Variants in COX10 observed in about 807,000 individuals in gnomAD.
COX10 encodes the protein protoheme IX farnesyltransferase, mitochondrial.
A neutral mutation model predicts 37.3 loss-of-function variants in COX10; 27 were observed. That is an observed-to-expected ratio of 0.72 (90% confidence interval 0.53 to 1.00). COX10 has a LOEUF of 1.00. Among genes scored for constraint, COX10 ranks in the 50% least tolerant of loss-of-function variants. The pLI is 0.00. For synonymous variants in COX10, 222 were observed against 229.1 expected (o/e 0.97, Z 0.28); for missense variants, 475 against 563.2 (o/e 0.84, Z 1.59).
intron 4 of COX10, among the ~76,000 whole-genome samples, chr17:14,157,187 C>A (rs1443369741): frequency 6.6e-6 from 1 of 152,158 alleles, no homozygotes; most frequent in Admixed American, 6.5e-5. Flanking sequence ...CAGGTACAGG[C>A]TGGATTTGGC....
chr17:14,176,271 G>A (rs1347629545), intron 5 of COX10, among the ~76,000 whole-genome samples: 1 of 152,050 alleles, frequency 6.6e-6, no homozygotes, highest in East Asian at 1.9e-4. Context: ...CTGTCTACCT[G>A]TAATTCATTA....
intron 5 of COX10, among the ~76,000 whole-genome samples, chr17:14,173,995 G>C (rs1286808553): frequency 6.6e-6 from 1 of 151,996 alleles, no homozygotes; most frequent in African/African-American, 2.4e-5. Context: ...AAGAAAAGTA[G>C]ATAAACTGTA....
chr17:14,185,425 G>A (rs1490678130), intron 5 of COX10, among the ~76,000 whole-genome samples: 2 of 149,854 alleles, frequency 1.3e-5, no homozygotes, highest in Non-Finnish European at 3.0e-5. Context: ...CACATTTTAT[G>A]AGCACTAAGG....
intron 3 of COX10, among the ~76,000 whole-genome samples, chr17:14,086,495 A>T (rs1915412541): frequency 6.6e-6 from 1 of 152,144 alleles, no homozygotes; most frequent in African/African-American, 2.4e-5. Flanking sequence ...TTCGGGGATG[A>T]ATTGAGAACT....
chr17:14,094,569 T>G (rs1915602783), intron 3 of COX10, among the ~76,000 whole-genome samples: 1 of 152,198 alleles, frequency 6.6e-6, no homozygotes, highest in Non-Finnish European at 1.5e-5. Context: ...TTTTTATCAT[T>G]ATTATTTTTA....
intron 6 of COX10, among the ~76,000 whole-genome samples, chr17:14,199,493 T>G (rs982497703): frequency 2.6e-5 from 4 of 152,100 alleles, no homozygotes; most frequent in African/African-American, 9.7e-5. Context: ...GCTTTTTGCT[T>G]CCTTTACTCC....
At chr17:14,153,398 A>T (rs1190327816) in intron 4 of COX10, among the ~76,000 whole-genome samples, 1 of 152,222 alleles carries the variant, frequency 6.6e-6, no homozygotes, top group Non-Finnish European at 1.5e-5. Context: ...CATATTTTAC[A>T]TTAAATGGCA....
chr17:14,093,063 T>A (rs1423493486), intron 3 of COX10, among the ~76,000 whole-genome samples: 2 of 152,226 alleles, frequency 1.3e-5, no homozygotes, highest in Non-Finnish European at 2.9e-5. Context: ...TTTATGGGAC[T>A]TGGATTACAG....
chr17:14,076,111 C>CTTTTTT (rs376434284), intron 2 of COX10, among the ~76,000 whole-genome samples: 148 of 103,248 alleles, frequency 1.4e-3, no homozygotes, highest in African/African-American at 1.7e-3. Flanking sequence ...TCTTTTTTGT[C>CTTTTTT]TTTTTTTTTT....
intron 4 of COX10, among the ~76,000 whole-genome samples, chr17:14,120,465 G>A (rs777271399): frequency 3.3e-5 from 5 of 152,156 alleles, no homozygotes; most frequent in Admixed American, 1.3e-4. Context: ...TCACAGAAAC[G>A]GAGGGCATAT....
chr17:14,200,783 A>C (rs1387642465), intron 6 of COX10, among the ~76,000 whole-genome samples: 2 of 152,258 alleles, frequency 1.3e-5, no homozygotes, highest in East Asian at 3.8e-4. Flanking sequence ...AAGATTGTGC[A>C]GGGTTAGGTA....
At chr17:14,073,005 G>A (rs1915060485) in intron 1 of COX10, among the ~76,000 whole-genome samples, 1 of 152,140 alleles carries the variant, frequency 6.6e-6, no homozygotes, top group South Asian at 2.1e-4. Context: ...TTGACAGAGT[G>A]GTGTGCAAAT....
At chr17:14,135,647 C>G (rs945946585) in intron 4 of COX10, among the ~76,000 whole-genome samples, 1 of 151,876 alleles carries the variant, frequency 6.6e-6, no homozygotes, top group African/African-American at 2.4e-5. Flanking sequence ...ATTTTGTACT[C>G]TAAATGTGTA....
intron 4 of COX10, among the ~76,000 whole-genome samples, chr17:14,119,879 C>T (rs976320665): frequency 2.6e-5 from 4 of 152,046 alleles, no homozygotes; most frequent in African/African-American, 9.7e-5. Context: ...CATTGTCATG[C>T]TTTAGAGAGA....
At position 14,076,803 on chromosome 17, in the gene COX10, T is replaced by C; in HGVS notation, c.246T>C (p.Pro82=). Residue 82 remains proline (P), a synonymous_variant, in exon 3 of 7, where the codon CCT becomes CCC. Coordinates refer to ENST00000261643, the MANE Select transcript of COX10 (RefSeq NM_001303.4). ...VRPKPEPVAS[P]FLEKTSSGQA... is the part of the protein sequence containing the mutation. Reference sequence around the variant, plus strand: ...CCAAGCCAGAACCAGTAGCATCTCCTTTCCTTGAAAAAACATCTTCAGGTC... The same window carrying C: ...CCAAGCCAGAACCAGTAGCATCTCCCTTCCTTGAAAAAACATCTTCAGGTC... The C allele has an allele frequency of 6.2e-7, 1 of 1,614,156 alleles. No homozygotes were observed. Among genetic ancestry groups the C allele is most frequent in the Non-Finnish European group, 8.5e-7 (1 of 1,180,020 alleles).
intron 4 of COX10, among the ~76,000 whole-genome samples, chr17:14,124,532 ATGTT>A (rs971961262): frequency 2.0e-5 from 3 of 152,058 alleles, no homozygotes; most frequent in African/African-American, 7.2e-5. Context: ...TTTTTGGTAA[ATGTT>A]TGTTCTCACA....
intron 3 of COX10, among the ~76,000 whole-genome samples, chr17:14,079,546 G>A (rs189585650): frequency 2.0e-5 from 3 of 152,246 alleles, no homozygotes; most frequent in Non-Finnish European, 2.9e-5. Context: ...ATGTATATCA[G>A]GCTAAAGTGT....
intron 3 of COX10, among the ~76,000 whole-genome samples, chr17:14,094,026 T>G (rs1308050226): frequency 6.6e-6 from 1 of 152,150 alleles, no homozygotes; most frequent in Non-Finnish European, 1.5e-5. Context: ...GCCACTGCAC[T>G]GCAGCCTGGG....
Position 14,069,545 on chromosome 17 carries a change from C to G in COX10, c.-61C>G. 3.1e-6 allele frequency: 5 copies of G among 1,601,764 alleles called. No individual in the cohort carries two copies. The highest frequency in any genetic ancestry group is 4.3e-6 in the Non-Finnish European group (5 of 1,171,062). ...GGCGGGGAAGGAAGATGGCGGCGCC[C>G]AGCGTCCCGTGAGGAGAGAGGACAC... On this transcript the variant is annotated 5_prime_UTR_variant, in exon 1 of 7. Coordinates refer to ENST00000261643, the MANE Select transcript of COX10 (RefSeq NM_001303.4).
Sources: gnomAD v4.1 joint callset for allele counts (sites outside exome capture counted in the v4.1 genomes callset) on GRCh38, gnomAD v4.1.1 for gene constraint, MANE v1.5 for transcripts, NCBI Gene and HGNC (gene_info 2026-07-23, HGNC 2026-07-21) for gene names.